Variants in GALNT18 observed in about 807,000 individuals in gnomAD.
GALNT18 encodes polypeptide N-acetylgalactosaminyltransferase 18.
GALNT18 carries 44 observed loss-of-function variants against 69.5 expected under a neutral mutation model. The ratio of observed to expected loss-of-function variants is 0.63; its 90% CI spans 0.50 to 0.81. The LOEUF (loss-of-function observed/expected upper bound fraction) is 0.81, where lower values mean the gene tolerates loss of function less well. Ranked by LOEUF, GALNT18 falls within the 40% of genes least tolerant of loss-of-function variation. The pLI, the probability that GALNT18 is intolerant of heterozygous loss-of-function variation, is 0.00. For synonymous variants in GALNT18, 364 were observed against 318.2 expected (o/e 1.14, Z -1.53); for missense variants, 715 against 810.0 (o/e 0.88, Z 1.42).
chr11:11,324,828 G>A (rs1338724361), intron 9 of GALNT18, among the ~76,000 whole-genome samples: 2 of 151,834 alleles, frequency 1.3e-5, no homozygotes, highest in East Asian at 3.9e-4. Flanking sequence ...TGCATAGTTT[G>A]TGAATATTTT....
intron 1 of GALNT18, among the ~76,000 whole-genome samples, chr11:11,576,320 T>C (rs1028268047): frequency 6.6e-6 from 1 of 152,238 alleles, no homozygotes; most frequent in Non-Finnish European, 1.5e-5. Flanking sequence ...AGCCTGGGTT[T>C]AGGCTGATTA....
At chr11:11,462,288 T>C (rs1856061019) in intron 1 of GALNT18, among the ~76,000 whole-genome samples, 1 of 136,810 alleles carries the variant, frequency 7.3e-6, no homozygotes, top group African/African-American at 2.6e-5. Flanking sequence ...TTTTTTTTTT[T>C]TCCTTTGCGA....
At chr11:11,373,812 G>C (rs991658146) in intron 5 of GALNT18, among the ~76,000 whole-genome samples, 1 of 152,238 alleles carries the variant, frequency 6.6e-6, no homozygotes, top group Non-Finnish European at 1.5e-5. Context: ...ATGCAGTGAC[G>C]TTGAATTGTT....
intron 1 of GALNT18, among the ~76,000 whole-genome samples, chr11:11,572,109 A>G (rs555014049): frequency 2.0e-5 from 3 of 152,338 alleles, no homozygotes; most frequent in Admixed American, 2.0e-4. Flanking sequence ...CTCCCTGTGC[A>G]AGCAGGCCTG....
intron 9 of GALNT18, among the ~76,000 whole-genome samples, chr11:11,303,525 AT>A (rs1329776904): frequency 6.6e-6 from 1 of 152,008 alleles, no homozygotes; most frequent in Admixed American, 6.6e-5. Flanking sequence ...ACCTGTGGCC[AT>A]TATGTCCAGG....
rs1375315849 is a variant in GALNT18, at chr11:11,621,406, A to G, written c.188T>C (p.Ile63Thr). 3.7e-6 allele frequency: 6 copies of G among 1,613,954 alleles called. No homozygotes were observed. Among genetic ancestry groups the G allele is most frequent in the African/African-American group, 2.7e-5 (2 of 74,908 alleles). ...ATTCTCCAGGTGGTCCAGCCGCTCA[A>G]TAATCTTCAGAGTGTCCCCTTTGTC... ...EEDKGDTLKI[I>T]ERLDHLENVI... is the part of the protein sequence containing the mutation. Residue 63 changes from isoleucine (I) to threonine (T), a missense_variant, in exon 1 of 11, where the codon ATT becomes ACT. Physicochemically the swap from Ile to Thr is moderately conservative, Grantham distance 89. Coordinates refer to ENST00000227756, the MANE Select transcript of GALNT18 (RefSeq NM_198516.3). This position sits in a 1 kb window ranked among gnomAD's most constrained non-coding sequence, Gnocchi z 9.3.
chr11:11,348,064 G>A (rs1197302056), intron 6 of GALNT18, among the ~76,000 whole-genome samples: 1 of 121,244 alleles, frequency 8.2e-6, no homozygotes, highest in African/African-American at 2.6e-5. Flanking sequence ...ATTCTATCCT[G>A]GCTCTGCATG....
chr11:11,621,666 G>T lies in GALNT18; in HGVS notation c.-73C>A. On this transcript the variant is annotated 5_prime_UTR_variant, in exon 1 of 11. Coordinates refer to ENST00000227756, the MANE Select transcript of GALNT18 (RefSeq NM_198516.3). The surrounding 1 kb of genome is among the most constrained non-coding windows in gnomAD (Gnocchi z 9.3). Reference sequence around the variant, plus strand: ...GTGCGCCCCGAACTCCCCCGCGCTCGCACCCCGTAGCACGTCCGGAGCCGC... The same window carrying T: ...GTGCGCCCCGAACTCCCCCGCGCTCTCACCCCGTAGCACGTCCGGAGCCGC... 1 of 1,107,980 alleles carries T rather than the reference G, an allele frequency of 9.0e-7. No individual in the cohort carries two copies. Among genetic ancestry groups the T allele is most frequent in the Non-Finnish European group, 1.3e-6 (1 of 762,162 alleles). 68.6% of individuals were successfully genotyped at this position (1,107,980 alleles called of 1,614,324 possible).
rs1300827377 is a variant in GALNT18 at position 11,586,102 on chromosome 11, T to C, written c.235+35257A>G. 6.6e-6 allele frequency among the ~76,000 whole-genome samples: 1 copy of C among 152,160 alleles called. No individual in the cohort carries two copies. The highest frequency in any genetic ancestry group is 1.9e-4 in the East Asian group (1 of 5,186). On this transcript the variant is annotated intron_variant, in intron 1 of 10. Coordinates refer to ENST00000227756, the MANE Select transcript of GALNT18 (RefSeq NM_198516.3). The surrounding 1 kb of genome is among the most constrained non-coding windows in gnomAD (Gnocchi z 4.1). ...AATGCTGAATCTGCTGGCCCCTTGA[T>C]CTTGGACTTTCCGGCCTCCAGAACT...
At position 11,339,210 on chromosome 11, in the gene GALNT18, C is replaced by T. The variant is rs528304802; in HGVS notation, c.1278+1609G>A. On this transcript the variant is annotated intron_variant, in intron 7 of 10. Transcript: ENST00000227756. This position sits in a 1 kb window ranked among gnomAD's most constrained non-coding sequence, Gnocchi z 5.2. ...CCTAAGGCTTTATCCTGGGCAATTC[C>T]ACCTCTTACCTGTCTTGTGTTCACT... Among the ~76,000 whole-genome samples the T allele has an allele frequency of 6.6e-6, 1 of 152,262 alleles. No homozygotes were observed. Among genetic ancestry groups the T allele is most frequent in the South Asian group, 2.1e-4 (1 of 4,820 alleles).
At chr11:11,433,182 G>T (rs938083860) in intron 2 of GALNT18, among the ~76,000 whole-genome samples, 1 of 152,262 alleles carries the variant, frequency 6.6e-6, no homozygotes, top group African/African-American at 2.4e-5. Flanking sequence ...CAACACCTAG[G>T]TGAGGCCAGA....
chr11:11,448,664 C>T (rs1855716466), intron 2 of GALNT18, 80 bp downstream of exon 2: 2 of 1,262,940 alleles, frequency 1.6e-6, no homozygotes, highest in South Asian at 3.0e-5. Context: ...GGCGCCCAGT[C>T]CTGCTCTGTT....
intron 1 of GALNT18, among the ~76,000 whole-genome samples, chr11:11,520,321 G>A (rs1284416850): frequency 3.3e-5 from 5 of 152,200 alleles, no homozygotes; most frequent in Non-Finnish European, 4.4e-5. Flanking sequence ...GGAGCAAATG[G>A]TAGAGCAAGA....
chr11:11,543,104 TGTTA>T lies in GALNT18; in HGVS notation c.235+78251_235+78254del, dbSNP rs1349132753. On this transcript the variant is annotated intron_variant, in intron 1 of 10. Transcript: ENST00000227756. This position sits in a 1 kb window ranked among gnomAD's most constrained non-coding sequence, Gnocchi z 5.1. The stretch of plus-strand genomic sequence containing the variant: ...TGGTGCATGGAAAGTGCTTGGTCAG[TGTTA>T]GTTACTATTATTAAGAAGCCGATGC... 2.6e-5 allele frequency among the ~76,000 whole-genome samples: 4 copies of T among 152,182 alleles called. No homozygotes were observed. The highest frequency in any genetic ancestry group is 4.4e-5 in the Non-Finnish European group (3 of 68,036).
At chr11:11,457,702 G>A (rs562585462) in intron 1 of GALNT18, among the ~76,000 whole-genome samples, 12 of 152,282 alleles carry the variant, frequency 7.9e-5, no homozygotes, top group African/African-American at 2.9e-4. Flanking sequence ...CCCTCGGTTT[G>A]TGCACCTAGG....
At position 11,621,367 on chromosome 11, in the gene GALNT18, T is replaced by G; in HGVS notation, c.227A>C (p.His76Pro). The G allele has an allele frequency of 1.2e-6, 2 of 1,613,798 alleles. No individual in the cohort carries two copies. Among genetic ancestry groups the G allele is most frequent in the Non-Finnish European group, 8.5e-7 (1 of 1,179,848 alleles). The change falls in exon 1 of 11, where the codon CAC becomes CCC. Residue 76 changes from histidine (H) to proline (P), a missense_variant. His to Pro is a moderately conservative substitution (Grantham distance 77). Coordinates refer to ENST00000227756, the MANE Select transcript of GALNT18 (RefSeq NM_198516.3). This position sits in a 1 kb window ranked among gnomAD's most constrained non-coding sequence, Gnocchi z 9.3. ...TTCCGGGGCGCCCGTACCTTGAATG[T>G]GCTGCTTGATGACATTCTCCAGGTG... ...LDHLENVIKQ[H>P]IQEAPAKPEE...
intron 3 of GALNT18, among the ~76,000 whole-genome samples, chr11:11,431,579 G>A (rs561885162): frequency 2.0e-3 from 300 of 152,222 alleles, no homozygotes; most frequent in African/African-American, 6.7e-3. Context: ...TCCCCTTACA[G>A]CACTGCTCCC....
intron 6 of GALNT18, among the ~76,000 whole-genome samples, chr11:11,344,031 T>C (rs1411055655): frequency 1.3e-5 from 2 of 151,924 alleles, no homozygotes; most frequent in Admixed American, 1.3e-4. Flanking sequence ...ACACCTGACC[T>C]CCCTCTTCCC....
chr11:11,385,600 G>A (rs966133927), intron 3 of GALNT18, among the ~76,000 whole-genome samples: 3 of 151,958 alleles, frequency 2.0e-5, no homozygotes, highest in Admixed American at 1.3e-4. Context: ...CGGCCTATTG[G>A]GGATCAAATT....
Sources: gnomAD v4.1 joint callset for allele counts (sites outside exome capture counted in the v4.1 genomes callset) on GRCh38, gnomAD v4.1.1 for gene constraint, Gnocchi (gnomAD v3.1) non-coding constraint, MANE v1.5 for transcripts, NCBI Gene and HGNC (gene_info 2026-07-23, HGNC 2026-07-21) for gene names.